PKN2: variants seen among roughly 807,000 people sequenced by gnomAD.
The protein encoded by PKN2 is serine/threonine-protein kinase N2.
PKN2 carries 38 observed loss-of-function variants against 119.1 expected under a neutral mutation model. That is an observed-to-expected ratio of 0.32 (90% CI 0.25 to 0.42). PKN2 has a LOEUF of 0.42. PKN2 is among the 10% of genes least tolerant of loss of function. The probability of loss-of-function intolerance (pLI) is 1.00; values close to 1 mark genes in which losing one functional copy is unlikely to be tolerated. For synonymous variants in PKN2, 390 were observed against 384.9 expected (o/e 1.01, Z -0.15); for missense variants, 850 against 1,165.1 (o/e 0.73, Z 3.94).
rs181568060 is a variant in PKN2, at chr1:88,835,386, G to A, written c.*1938G>A. On this transcript the variant is annotated 3_prime_UTR_variant, in exon 22 of 22. Coordinates refer to ENST00000370521, the MANE Select transcript of PKN2 (RefSeq NM_006256.4). ...TGCTCACTTTTTTGGTTCTCAAATA[G>A]CAAAGAAAGTAATGTCTAAAATAGG... 1 of 152,432 alleles carries A rather than the reference G, an allele frequency of 6.6e-6. No homozygotes were observed. Among genetic ancestry groups the A allele is most frequent in the East Asian group, 1.9e-4 (1 of 5,188 alleles). 9.4% of individuals were successfully genotyped at this position (152,432 alleles called of 1,614,324 possible).
intron 15 of PKN2, among the ~76,000 whole-genome samples, chr1:88,810,619 T>G (rs1452607071): frequency 2.0e-5 from 3 of 152,168 alleles, no homozygotes; most frequent in Non-Finnish European, 4.4e-5. Flanking sequence ...TATCTATATA[T>G]TTTTTGAGAC....
Position 88,780,865 on chromosome 1 carries a change from T to C in PKN2, c.986-3774T>C, listed in dbSNP as rs1478092758. Among the ~76,000 whole-genome samples the C allele has an allele frequency of 1.3e-5, 2 of 152,112 alleles. 1 individual carries two copies. Among genetic ancestry groups the C allele is most frequent in the South Asian group, 4.1e-4 (2 of 4,830 alleles). ...CAATATTTCTAGAAAAGTAATAAAA[T>C]CACATTTTAGAAACTCAGCTGATAA... On this transcript the variant is annotated intron_variant, in intron 6 of 21. Transcript: ENST00000370521.
rs1018486009 is a variant in PKN2, at chr1:88,684,767, G to A, written c.48+139G>A. The A allele has an allele frequency of 1.6e-5, 11 of 691,206 alleles. No individual in the cohort carries two copies. The African/African-American group carries it at 1.9e-4, about 12-fold the overall frequency. 42.8% of individuals were successfully genotyped at this position (691,206 alleles called of 1,614,324 possible). A position where few individuals can be genotyped will look rare whatever the true frequency, so the allele number is the denominator to read the frequency against. On this transcript the variant is annotated intron_variant, in intron 1 of 21. Coordinates refer to ENST00000370521, the MANE Select transcript of PKN2 (RefSeq NM_006256.4). ...TGCGGAAACTCCGGGATGTCACTCG[G>A]GAAATGCTTCCCTCGGGGAACCGCT...
intron 3 of PKN2, among the ~76,000 whole-genome samples, chr1:88,766,213 A>T (rs1199014700): frequency 6.6e-6 from 1 of 152,316 alleles, no homozygotes; most frequent in Non-Finnish European, 1.5e-5. Flanking sequence ...GCTTCATAGG[A>T]TAACATTCTG....
chr1:88,829,740 T>C (rs1412790856), intron 19 of PKN2, among the ~76,000 whole-genome samples: 1 of 152,178 alleles, frequency 6.6e-6, no homozygotes, highest in East Asian at 1.9e-4. Flanking sequence ...TTTTAAGGGA[T>C]TGGTTCATTA....
At chr1:88,785,331 C>T (rs1670527491) in intron 7 of PKN2, among the ~76,000 whole-genome samples, 1 of 151,948 alleles carries the variant, frequency 6.6e-6, no homozygotes, top group Non-Finnish European at 1.5e-5. Flanking sequence ...ACTATGTTGC[C>T]CAGGATGGTC....
chr1:88,832,901 T>C, intron 20 of PKN2, 50 bp downstream of exon 20: 1 of 1,271,834 alleles, frequency 7.9e-7, no homozygotes, highest in African/African-American at 1.5e-5. Context: ...CTTTAATTTT[T>C]TATACTAAAG....
At position 88,834,881 on chromosome 1, in the gene PKN2, G is replaced by C. The variant is rs915493560; in HGVS notation, c.*1433G>C. 1.3e-5 allele frequency: 2 copies of C among 152,050 alleles called. No individual in the cohort carries two copies. The highest frequency in any genetic ancestry group is 4.8e-5 in the African/African-American group (2 of 41,302). 9.4% of individuals were successfully genotyped at this position (152,050 alleles called of 1,614,324 possible). On this transcript the variant is annotated 3_prime_UTR_variant, in exon 22 of 22. Coordinates refer to ENST00000370521, the MANE Select transcript of PKN2 (RefSeq NM_006256.4). The stretch of plus-strand genomic sequence containing the variant: ...GACTTTATTGTTTTTTCTTAGTTTA[G>C]TAATAGCATCTTTGATCCTGTGCTT...
In PKN2 at chr1:88,770,807, G is replaced by C. The variant is rs557443843; in HGVS notation, c.622+338G>C. On this transcript the variant is annotated intron_variant, in intron 4 of 21. Transcript: ENST00000370521. ...TCACCGTTTTAGCCGGGATGGTCTCGATCTCCTGACCTCGTGATCCGCCCG... is the reference window on the plus strand; with the variant it reads ...TCACCGTTTTAGCCGGGATGGTCTCCATCTCCTGACCTCGTGATCCGCCCG... Among the ~76,000 whole-genome samples the C allele has an allele frequency of 3.1e-4, 47 of 150,396 alleles. No homozygotes were observed. In the South Asian group the frequency reaches 7.5e-3, roughly 24 times the overall value.
At chr1:88,698,536 C>T (rs1221663392) in intron 1 of PKN2, among the ~76,000 whole-genome samples, 1 of 152,214 alleles carries the variant, frequency 6.6e-6, no homozygotes, top group Non-Finnish European at 1.5e-5. Context: ...CTTTTAGAGG[C>T]ATCAAAGACA....
intron 8 of PKN2, among the ~76,000 whole-genome samples, chr1:88,799,738 TAA>T (rs1203092531): frequency 6.6e-6 from 1 of 152,242 alleles, no homozygotes; most frequent in East Asian, 1.9e-4. Flanking sequence ...CCCTTCAGGC[TAA>T]GAGTGATAAT....
chr1:88,797,531 ACT>A (rs1671127109), intron 8 of PKN2, among the ~76,000 whole-genome samples: 1 of 151,344 alleles, frequency 6.6e-6, no homozygotes, highest in Non-Finnish European at 1.5e-5. Flanking sequence ...AGTCCCAGCT[ACT>A]CAGGAGGCTG....
chr1:88,764,911 ATTG>A (rs1048677304), intron 3 of PKN2, among the ~76,000 whole-genome samples: 4 of 151,022 alleles, frequency 2.6e-5, no homozygotes, highest in African/African-American at 7.3e-5. Context: ...TTTTGTTGTT[ATTG>A]TTGTTTTGTT....
chr1:88,702,994 T>C (rs1193514145), intron 1 of PKN2, among the ~76,000 whole-genome samples: 1 of 152,212 alleles, frequency 6.6e-6, no homozygotes, highest in Non-Finnish European at 1.5e-5. Context: ...TTAAAGTGTC[T>C]GCTTATGAGA....
At position 88,708,785 on chromosome 1, in the gene PKN2, T is replaced by A. The variant is rs1570507924; in HGVS notation, c.48+24157T>A. ...CCCCTAAAACACTGATTTTTAACAT[T>A]GTTTTTGGAGATTACATTTATGTAA... is the stretch of plus-strand genomic sequence containing the variant. On this transcript the variant is annotated intron_variant, in intron 1 of 21. Transcript: ENST00000370521. 8.5e-5 allele frequency among the ~76,000 whole-genome samples: 13 copies of A among 152,102 alleles called. No individual in the cohort carries two copies. The South Asian group carries it at 2.5e-3, about 29-fold the overall frequency.
At chr1:88,713,126 A>G (rs1466288501) in intron 1 of PKN2, among the ~76,000 whole-genome samples, 1 of 152,220 alleles carries the variant, frequency 6.6e-6, no homozygotes, top group Non-Finnish European at 1.5e-5. Context: ...ATGGCTGTAT[A>G]GTATTCCATG....
At chr1:88,728,033 T>TA (rs1667968353) in intron 1 of PKN2, among the ~76,000 whole-genome samples, 1 of 150,826 alleles carries the variant, frequency 6.6e-6, no homozygotes, top group African/African-American at 2.4e-5. Context: ...TTTTTTTTTT[T>TA]TATTCTTTGG....
chr1:88,773,047 C>T (rs1669956303), intron 6 of PKN2, among the ~76,000 whole-genome samples: 1 of 151,968 alleles, frequency 6.6e-6, no homozygotes, highest in South Asian at 2.1e-4. Context: ...TTACCTTTAC[C>T]TTAACTCCTT....
At chr1:88,737,823 C>G (rs553619302) in intron 1 of PKN2, among the ~76,000 whole-genome samples, 3 of 152,160 alleles carry the variant, frequency 2.0e-5, no homozygotes, top group Admixed American at 6.6e-5. Context: ...GGCTGTGTCT[C>G]TCTCTGTGCT....
Sources: gnomAD v4.1 joint callset for allele counts (sites outside exome capture counted in the v4.1 genomes callset) on GRCh38, gnomAD v4.1.1 for gene constraint, MANE v1.5 for transcripts, NCBI Gene and HGNC (gene_info 2026-07-23, HGNC 2026-07-21) for gene names.